Variants in ZFP28 observed in about 807,000 individuals in gnomAD.
ZFP28 encodes ZFP28 zinc finger protein.
ZFP28 carries 31 observed loss-of-function variants against 39.5 expected under a neutral mutation model. The observed-to-expected ratio is 0.79, with a 90% CI of 0.59 to 1.06. The LOEUF (loss-of-function observed/expected upper bound fraction) is 1.06. Among genes scored for constraint, ZFP28 ranks in the 50% least tolerant of loss-of-function variants. The pLI is 0.00. For missense variants in ZFP28, 925 were observed against 1,048.4 expected (o/e 0.88, Z 1.63); for synonymous variants, 400 against 378.6 (o/e 1.06, Z -0.66).
intron 2 of ZFP28, among the ~76,000 whole-genome samples, chr19:56,540,853 C>A (rs182948047): frequency 6.6e-5 from 10 of 152,262 alleles, no homozygotes; most frequent in African/African-American, 1.7e-4. Flanking sequence ...TTTCCCTTGG[C>A]TACTGGGATC....
chr19:56,554,279 T>C lies in ZFP28; in HGVS notation c.1494T>C (p.Tyr498=), dbSNP rs745588361. ...NTSLIRHWRY[Y]HTGEKPFDCI... ...CCCTTATCCGTCACTGGAGATACTA[T>C]CATACTGGGGAGAAACCCTTTGATT... The change falls in exon 8 of 8, where the codon TAT becomes TAC. Residue 498 remains tyrosine, a synonymous_variant. Transcript: ENST00000301318. The surrounding 1 kb of genome is among the most constrained non-coding windows in gnomAD (Gnocchi z 6.7). The C allele has an allele frequency of 1.2e-6, 2 of 1,614,156 alleles. No individual in the cohort carries two copies. The highest frequency in any genetic ancestry group is 1.7e-6 in the Non-Finnish European group (2 of 1,180,038).
In ZFP28 at chr19:56,547,575, T is replaced by A. The variant is rs1332023291; in HGVS notation, c.368T>A (p.Ile123Asn). 1 of 1,613,966 alleles carries A rather than the reference T, an allele frequency of 6.2e-7. No individual in the cohort carries two copies. The highest frequency in any genetic ancestry group is 8.5e-7 in the Non-Finnish European group (1 of 1,179,936). Residue 123 changes from isoleucine to asparagine, a missense_variant, in exon 3 of 8, where the codon ATT (isoleucine) becomes AAT (asparagine). By Grantham distance (149) the Ile-to-Asn change is moderately radical (BLOSUM62 -3). Around this residue, in one of 2 missense-constraint regions of ZFP28, gnomAD observed 556 missense variants for 542.9 expected, o/e 1.02. Coordinates refer to ENST00000301318, the MANE Select transcript of ZFP28 (RefSeq NM_020828.2). This position sits in a 1 kb window ranked among gnomAD's most constrained non-coding sequence, Gnocchi z 4.6. ...GAGGAGTGGGAGTGGCTGAACCCCA[T>A]TCAGAGGAACTTGTACAGGAAGGTG... ...SQEEWEWLNP[I>N]QRNLYRKVML...
At chr19:56,539,562 T>A (rs2044175820) in intron 1 of ZFP28, 63 bp from the exon 2 acceptor site, 3 of 1,413,282 alleles carry the variant, frequency 2.1e-6, no homozygotes, top group Non-Finnish European at 3.0e-6. Context: ...AAGGGACGTT[T>A]CTAGGCTGGT....
rs1310712031 is a variant in ZFP28, at chr19:56,556,456, C to T, written c.*1064C>T. Reference sequence around the variant, plus strand: ...AGGTTATCAAACTAAAGCCCATGGACCAAATCCTATCTGCTGCTTGTTTTT... The same window carrying T: ...AGGTTATCAAACTAAAGCCCATGGATCAAATCCTATCTGCTGCTTGTTTTT... On this transcript the variant is annotated 3_prime_UTR_variant, in exon 8 of 8. Coordinates refer to ENST00000301318, the MANE Select transcript of ZFP28 (RefSeq NM_020828.2). 1 of 152,114 alleles carries T rather than the reference C, an allele frequency of 6.6e-6. No individual in the cohort carries two copies. Among genetic ancestry groups the T allele is most frequent in the Non-Finnish European group, 1.5e-5 (1 of 68,040 alleles). The allele number at this position is 152,114 out of a possible 1,614,324, so 9.4% of individuals were successfully genotyped here. A position where few individuals can be genotyped will look rare whatever the true frequency, so the allele number is the denominator to read the frequency against.
At chr19:56,553,435 A>G (rs1183654363) in intron 7 of ZFP28, among the ~76,000 whole-genome samples, 1 of 152,036 alleles carries the variant, frequency 6.6e-6, no homozygotes, top group Non-Finnish European at 1.5e-5. Context: ...TGTGCAGGCT[A>G]TGTTGTCCTG....
intron 2 of ZFP28, chr19:56,546,282 A>C (rs2044240779): frequency 6.6e-6 from 1 of 152,252 alleles, no homozygotes; most frequent in South Asian, 2.1e-4. Flanking sequence ...GCTGCTAGTC[A>C]GTTAAATCTG....
intron 2 of ZFP28, chr19:56,544,790 G>A (rs1447702955): frequency 6.6e-6 from 1 of 152,186 alleles, no homozygotes; most frequent in East Asian, 1.9e-4. Flanking sequence ...TGTTATTGCT[G>A]TTATTTACAG....
At position 56,555,207 on chromosome 19, in the gene ZFP28, A is replaced by T. The variant is rs140629923; in HGVS notation, c.2422A>T (p.Thr808Ser). Reference protein sequence around the residue: ...GHLNQHKRVHTGERSYNYKKS... With the variant: ...GHLNQHKRVHSGERSYNYKKS... ...CCTTAATCAACATAAGAGAGTTCAT[A>T]CTGGAGAGAGATCTTATAACTATAA... Residue 808 changes from threonine (T) to serine (S), a missense_variant, in exon 8 of 8, where the codon ACT becomes TCT. This residue lies in a region of ZFP28 where 369 missense variants were observed against 505.5 expected (regional missense o/e 0.73). Coordinates refer to ENST00000301318, the MANE Select transcript of ZFP28 (RefSeq NM_020828.2). 304 of 1,614,198 alleles carry T rather than the reference A, an allele frequency of 1.9e-4. No individual in the cohort carries two copies. In the African/African-American group the frequency reaches 3.5e-3, roughly 18 times the overall value.
In ZFP28 at chr19:56,556,407, T is replaced by A. The variant is rs1360687315; in HGVS notation, c.*1015T>A. The A allele has an allele frequency of 6.6e-6, 1 of 152,152 alleles. No individual in the cohort carries two copies. Among genetic ancestry groups the A allele is most frequent in the East Asian group, 1.9e-4 (1 of 5,174 alleles). 9.4% of individuals were successfully genotyped at this position (152,152 alleles called of 1,614,324 possible). A position where few individuals can be genotyped will look rare whatever the true frequency, so the allele number is the denominator to read the frequency against. Reference sequence around the variant, plus strand: ...ACTGTCTGATCCTACACAGAAAATGTGTGTGATCCCTGCTATGGAGCAGAG... The same window carrying A: ...ACTGTCTGATCCTACACAGAAAATGAGTGTGATCCCTGCTATGGAGCAGAG... On this transcript the variant is annotated 3_prime_UTR_variant, in exon 8 of 8. Transcript: ENST00000301318.
intron 2 of ZFP28, among the ~76,000 whole-genome samples, chr19:56,540,924 G>A (rs984361660): frequency 1.4e-5 from 2 of 140,042 alleles, no homozygotes; most frequent in East Asian, 2.2e-4. Context: ...TCTTACCTCC[G>A]TGACTTGAAC....
chr19:56,548,043 A>G (rs1371484529), intron 4 of ZFP28, 141 bp downstream of exon 4: 1 of 679,422 alleles, frequency 1.5e-6, no homozygotes, highest in Non-Finnish European at 2.4e-6. Flanking sequence ...GAATACAGAA[A>G]TTTCAACTAC....
At position 56,547,539 on chromosome 19, in the gene ZFP28, A is replaced by T; in HGVS notation, c.332A>T (p.Asp111Val). The T allele has an allele frequency of 6.2e-7, 1 of 1,614,104 alleles. No homozygotes were observed. Among genetic ancestry groups the T allele is most frequent in the Non-Finnish European group, 8.5e-7 (1 of 1,180,012 alleles). Residue 111 changes from aspartate to valine, a missense_variant, in exon 3 of 8, where the codon GAT becomes GTT. Asp to Val is a radical substitution (Grantham distance 152). Around this residue, in one of 2 missense-constraint regions of ZFP28, gnomAD observed 556 missense variants for 542.9 expected, o/e 1.02. Coordinates refer to ENST00000301318, the MANE Select transcript of ZFP28 (RefSeq NM_020828.2). The surrounding 1 kb of genome is among the most constrained non-coding windows in gnomAD (Gnocchi z 4.6). ...GTGACATTTGGGGATGTGGCTGTAG[A>T]TTTCTCCCAAGAGGAGTGGGAGTGG... ...GLVTFGDVAV[D>V]FSQEEWEWLN...
intron 2 of ZFP28, chr19:56,544,611 C>T (rs112515106): frequency 2.0e-5 from 3 of 152,334 alleles, no homozygotes; most frequent in African/African-American, 7.2e-5. Context: ...CAAAACCCAG[C>T]TCTACAGCTG....
In ZFP28 at chr19:56,554,220, ATT is replaced by A. The variant is rs1395601356; in HGVS notation, c.1436_1437del (p.Ile479ArgfsTer27). The A allele has an allele frequency of 1.2e-6, 2 of 1,614,186 alleles. No homozygotes were observed. Among genetic ancestry groups the A allele is most frequent in the Non-Finnish European group, 1.7e-6 (2 of 1,180,026 alleles). On this transcript the variant is annotated frameshift_variant, in exon 8 of 8. Coordinates refer to ENST00000301318, the MANE Select transcript of ZFP28 (RefSeq NM_020828.2). LOFTEE classifies it low-confidence loss of function (END_TRUNC). This position sits in a 1 kb window ranked among gnomAD's most constrained non-coding sequence, Gnocchi z 6.7. ...CACTGGCAAGAAGCCCTATGAGTGC[ATT>A]GAGTGTGGGAAAGCTTTCATACAGA... ...CHTGKKPYEC[I>X]ECGKAFIQNT...
chr19:56,551,140 C>T (rs2044298286), intron 7 of ZFP28: 7 of 1,009,052 alleles, frequency 6.9e-6, no homozygotes, highest in African/African-American at 1.7e-5. Context: ...TCAAATAGGG[C>T]ATTATAGAGA....
chr19:56,551,669 G>A lies in ZFP28; in HGVS notation c.898+1064G>A, dbSNP rs181874714. ...GTATGAGTTTAATTGCATCTTGAAA[G>A]TATTGGTTATTTACATGAAAACTTT... On this transcript the variant is annotated intron_variant, in intron 7 of 7. Coordinates refer to ENST00000301318, the MANE Select transcript of ZFP28 (RefSeq NM_020828.2). The A allele has an allele frequency of 1.0e-5, 10 of 985,290 alleles. No individual in the cohort carries two copies. The East Asian group carries it at 1.1e-3, about 112-fold the overall frequency. 61.0% of individuals were successfully genotyped at this position (985,290 alleles called of 1,614,324 possible). A position where few individuals can be genotyped will look rare whatever the true frequency, so the allele number is the denominator to read the frequency against.
Position 56,538,966 on chromosome 19 carries a change from G to GGT in ZFP28, c.-49_-48dup. 7.7e-7 allele frequency: 1 copy of GGT among 1,303,618 alleles called. No individual in the cohort carries two copies. The highest frequency in any genetic ancestry group is 9.8e-7 in the Non-Finnish European group (1 of 1,023,394). The allele number at this position is 1,303,618 out of a possible 1,614,324, so 80.8% of individuals were successfully genotyped here. A position where few individuals can be genotyped will look rare whatever the true frequency, so the allele number is the denominator to read the frequency against. On this transcript the variant is annotated 5_prime_UTR_variant, in exon 1 of 8. Coordinates refer to ENST00000301318, the MANE Select transcript of ZFP28 (RefSeq NM_020828.2). ...GGCGTGGCGGGCGGGTGTGGCCAGG[G>GGT]GTGTGGGTCTGTGAGGGACCGGTCG...
intron 2 of ZFP28, among the ~76,000 whole-genome samples, chr19:56,542,601 G>C (rs1267659148): frequency 6.6e-6 from 1 of 152,206 alleles, no homozygotes. Context: ...TCATAGGCAA[G>C]GATTTGGGGC....
chr19:56,539,799 C>T (rs1265722884), intron 2 of ZFP28, 83 bp downstream of exon 2: 1 of 1,316,962 alleles, frequency 7.6e-7, no homozygotes, highest in East Asian at 2.5e-5. Context: ...TGAAAGTTTT[C>T]AGTTTAAGAG....
Sources: allele counts gnomAD v4.1 joint callset (sites outside exome capture counted in the v4.1 genomes callset), GRCh38; gene constraint gnomAD v4.1.1; regional missense constraint gnomAD v4.1.1; non-coding constraint Gnocchi (gnomAD v3.1); transcripts MANE v1.5; gene names NCBI Gene and HGNC (gene_info 2026-07-23, HGNC 2026-07-21).